The following OLFM4 variants were observed in gnomAD, a reference collection of about 807,000 sequenced individuals.
OLFM4 encodes the protein olfactomedin-4.
Under a neutral mutation model 25.5 loss-of-function variants are expected in OLFM4, and 22 were observed. That is an observed-to-expected ratio of 0.86 (90% CI 0.62 to 1.23). The LOEUF is 1.23. OLFM4 is among the 50% of genes most tolerant of loss of function. OLFM4 has a pLI of 0.00. For missense variants in OLFM4, 594 were observed against 619.4 expected (o/e 0.96, Z 0.44); for synonymous variants, 255 against 237.7 (o/e 1.07, Z -0.67).
rs768578402 is a variant in OLFM4, at chr13:53,050,751, G to C, written c.1513G>C (p.Val505Leu). Residue 505 changes from valine to leucine, a missense_variant, in exon 5 of 5, where the codon GTC becomes CTC. Transcript: ENST00000219022. ...DGYLLNYDLS[V>L]LQKPQ ...TTACCTTCTGAATTATGATCTTTCT[G>C]TCTTGCAGAAGCCCCAGTAAGCTGT... 2.5e-6 allele frequency: 4 copies of C among 1,597,938 alleles called. No homozygotes were observed. Among genetic ancestry groups the C allele is most frequent in the East Asian group, 4.5e-5 (2 of 44,798 alleles).
At position 53,050,553 on chromosome 13, in the gene OLFM4, G is replaced by A. The variant is rs764586416; in HGVS notation, c.1315G>A (p.Val439Ile). The A allele has an allele frequency of 1.2e-6, 2 of 1,613,802 alleles. No individual in the cohort carries two copies. Among genetic ancestry groups the A allele is most frequent in the Non-Finnish European group, 1.7e-6 (2 of 1,179,956 alleles). The change falls in exon 5 of 5, where the codon GTT becomes ATT. Residue 439 changes from valine (V) to isoleucine (I), a missense_variant. Transcript: ENST00000219022. The stretch of plus-strand genomic sequence containing the variant: ...TTCTAACGCCTTCATGGTATGTGGG[G>A]TTCTGTATGCCACCCGTACTATGAA... Reference protein sequence around the residue: ...SASNAFMVCGVLYATRTMNTR... With the variant: ...SASNAFMVCGILYATRTMNTR...
intron 2 of OLFM4, 150 bp from the exon 3 acceptor site, chr13:53,041,760 A>G (rs1954687907): frequency 1.7e-6 from 1 of 599,514 alleles, no homozygotes; most frequent in Non-Finnish European, 3.0e-6. Context: ...AGATTTTAAA[A>G]ATCTAGTTAA....
chr13:53,030,777 A>G (rs529044591), intron 1 of OLFM4, among the ~76,000 whole-genome samples: 25 of 152,340 alleles, frequency 1.6e-4, no homozygotes, highest in African/African-American at 4.6e-4. Flanking sequence ...ATAGGTTTCT[A>G]TATTTCCAAG....
chr13:53,032,997 G>T (rs1319499099), intron 1 of OLFM4, among the ~76,000 whole-genome samples: 1 of 152,136 alleles, frequency 6.6e-6, no homozygotes, highest in East Asian at 1.9e-4. Context: ...TTCATAAAAA[G>T]TCCCTTCAGG....
intron 1 of OLFM4, among the ~76,000 whole-genome samples, chr13:53,033,949 T>TGAGGCAGGAGCATAGAGTAAACCC (rs1954642446): frequency 6.9e-6 from 1 of 145,858 alleles, no homozygotes; most frequent in Non-Finnish European, 1.5e-5. Context: ...CCCAGCTACT[T>TGAGGCAGGAGCATAGAGTAAACCC]GGGAGGCTGA....
At chr13:53,045,442 T>A (rs1210546352) in intron 4 of OLFM4, among the ~76,000 whole-genome samples, 1 of 152,246 alleles carries the variant, frequency 6.6e-6, no homozygotes, top group Non-Finnish European at 1.5e-5. Context: ...CTTTTGGTCA[T>A]GTTTTTAAAT....
chr13:53,032,893 C>T (rs1322157800), intron 1 of OLFM4, among the ~76,000 whole-genome samples: 1 of 152,090 alleles, frequency 6.6e-6, no homozygotes, highest in African/African-American at 2.4e-5. Flanking sequence ...TGCACAGGAC[C>T]CATTACACCA....
chr13:53,035,357 G>A (rs946319428), intron 2 of OLFM4, among the ~76,000 whole-genome samples: 1 of 151,654 alleles, frequency 6.6e-6, no homozygotes, highest in Non-Finnish European at 1.5e-5. Context: ...TGTATTAATG[G>A]GGTACATGAG....
chr13:53,046,877 AGGCTTT>A (rs1954718497), intron 4 of OLFM4, among the ~76,000 whole-genome samples: 1 of 152,242 alleles, frequency 6.6e-6, no homozygotes, highest in South Asian at 2.1e-4. Context: ...TGTTGGAATC[AGGCTTT>A]GAATTAGAAT....
At chr13:53,042,306 G>A (rs1433094603) in intron 3 of OLFM4, among the ~76,000 whole-genome samples, 184 bp downstream of exon 3, 9 of 152,202 alleles carry the variant, frequency 5.9e-5, no homozygotes, top group Non-Finnish European at 1.3e-4. Context: ...AGTAAGTTAA[G>A]CACATTGGGA....
In OLFM4 at chr13:53,043,112, A is replaced by G. The variant is rs199556573; in HGVS notation, c.578A>G (p.Asn193Ser). 7 of 1,593,152 alleles carry G rather than the reference A, an allele frequency of 4.4e-6. No homozygotes were observed. Among genetic ancestry groups the G allele is most frequent in the Non-Finnish European group, 5.1e-6 (6 of 1,173,528 alleles). ...GAATTTTTATTTCCTTAGATAAGAAATATGACTCTCTTGGTAGAGAAGCTT... is the reference window on the plus strand; with the variant it reads ...GAATTTTTATTTCCTTAGATAAGAAGTATGACTCTCTTGGTAGAGAAGCTT... ...IVDQLEVEIR[N>S]MTLLVEKLET... Residue 193 changes from asparagine to serine, a missense_variant, in exon 4 of 5, where the codon AAT becomes AGT. By Grantham distance (46) the Asn-to-Ser change is conservative. Transcript: ENST00000219022.
At chr13:53,034,524 T>A in intron 2 of OLFM4, 24 bp downstream of exon 2, 1 of 1,582,752 alleles carries the variant, frequency 6.3e-7, no homozygotes, top group Non-Finnish European at 8.6e-7. Context: ...TTTCAAACAA[T>A]ATCTTGATAA....
At chr13:53,033,249 A>G (rs1466137773) in intron 1 of OLFM4, among the ~76,000 whole-genome samples, 1 of 152,220 alleles carries the variant, frequency 6.6e-6, no homozygotes, top group African/African-American at 2.4e-5. Context: ...TGAACATAAA[A>G]TATTTTAAAA....
chr13:53,030,127 A>T (rs1277868506), intron 1 of OLFM4, among the ~76,000 whole-genome samples: 1 of 152,158 alleles, frequency 6.6e-6, no homozygotes, highest in Non-Finnish European at 1.5e-5. Context: ...AAGGGGGAGG[A>T]AAAGACTTTT....
At position 53,042,046 on chromosome 13, in the gene OLFM4, A is replaced by T; in HGVS notation, c.494A>T (p.Glu165Val). ...GAGCTGATCAAGGTAGAAGTGAAGG[A>T]GATGGAAAAACTGGTCATACAGCTG... ...DFELIKVEVK[E>V]MEKLVIQLKE... Residue 165 changes from glutamate (E) to valine (V), a missense_variant, in exon 3 of 5, where the codon GAG (glutamate) becomes GTG (valine). Glu to Val is a moderately radical substitution (Grantham distance 121, BLOSUM62 -2). Transcript: ENST00000219022. 6.2e-7 allele frequency: 1 copy of T among 1,614,086 alleles called. No homozygotes were observed. Among genetic ancestry groups the T allele is most frequent in the Non-Finnish European group, 8.5e-7 (1 of 1,179,966 alleles).
intron 1 of OLFM4, among the ~76,000 whole-genome samples, chr13:53,031,409 G>T (rs1954628158): frequency 6.6e-6 from 1 of 152,146 alleles, no homozygotes; most frequent in Non-Finnish European, 1.5e-5. Context: ...CTTAGCCTTG[G>T]CTACTAATTA....
At chr13:53,030,765 A>G (rs1401283257) in intron 1 of OLFM4, among the ~76,000 whole-genome samples, 1 of 152,236 alleles carries the variant, frequency 6.6e-6, no homozygotes, top group Non-Finnish European at 1.5e-5. Flanking sequence ...ATGTCTGTAC[A>G]TATAGGTTTC....
intron 4 of OLFM4, among the ~76,000 whole-genome samples, chr13:53,048,136 C>G (rs1954725214): frequency 6.6e-6 from 1 of 152,176 alleles, no homozygotes; most frequent in Non-Finnish European, 1.5e-5. Flanking sequence ...TTTAATAATT[C>G]ATGCATTGTT....
intron 1 of OLFM4, among the ~76,000 whole-genome samples, chr13:53,029,464 T>C (rs1954617358): frequency 6.6e-6 from 1 of 152,182 alleles, no homozygotes. Flanking sequence ...AAAGACTCTG[T>C]GAGTTGCAGC....
Sources: allele counts gnomAD v4.1 joint callset (sites outside exome capture counted in the v4.1 genomes callset), GRCh38; gene constraint gnomAD v4.1.1; transcripts MANE v1.5; gene names NCBI Gene and HGNC (gene_info 2026-07-23, HGNC 2026-07-21).